The following SNX30 variants were observed in gnomAD, a reference collection of about 807,000 sequenced individuals.
The protein encoded by SNX30 is sorting nexin family member 30.
In SNX30, 24 loss-of-function variants were observed where a neutral mutation model predicts 46.4. The ratio of observed to expected loss-of-function variants is 0.52; its 90% CI spans 0.37 to 0.73. SNX30 has a LOEUF of 0.73. SNX30 is among the 30% of genes least tolerant of loss of function. The pLI, the probability that SNX30 is intolerant of heterozygous loss-of-function variation, is 0.00. For missense variants in SNX30, 533 were observed against 555.7 expected (o/e 0.96, Z 0.41); for synonymous variants, 189 against 211.5 (o/e 0.89, Z 0.92).
At chr9:112,809,143 G>C (rs1840277310) in intron 2 of SNX30, among the ~76,000 whole-genome samples, 1 of 151,626 alleles carries the variant, frequency 6.6e-6, no homozygotes, top group South Asian at 2.1e-4. Flanking sequence ...CTGGAGTGCA[G>C]TGGTATGACC....
At chr9:112,836,033 GTC>G (rs1840745451) in intron 4 of SNX30, among the ~76,000 whole-genome samples, 179 bp from the exon 5 acceptor site, 1 of 152,226 alleles carries the variant, frequency 6.6e-6, no homozygotes, top group Non-Finnish European at 1.5e-5. Flanking sequence ...AGGAGCCTGA[GTC>G]TGGTGGTTAT....
intron 1 of SNX30, among the ~76,000 whole-genome samples, chr9:112,767,542 A>G (rs555397152): frequency 6.6e-6 from 1 of 151,562 alleles, no homozygotes; most frequent in East Asian, 1.9e-4. Flanking sequence ...TAGGAGTTTT[A>G]TGGTTTTGGG....
intron 3 of SNX30, among the ~76,000 whole-genome samples, chr9:112,825,524 C>T: frequency 6.6e-6 from 1 of 152,066 alleles, no homozygotes; most frequent in Non-Finnish European, 1.5e-5. Flanking sequence ...GAGCTCCTAG[C>T]CTCAAGCAAT....
intron 1 of SNX30, among the ~76,000 whole-genome samples, chr9:112,770,400 C>T (rs947270871): frequency 7.3e-5 from 11 of 151,718 alleles, no homozygotes; most frequent in Non-Finnish European, 1.3e-4. Flanking sequence ...CTCGAACTCC[C>T]GACCTTGTGA....
chr9:112,750,685 C>T (rs2131338550), upstream of SNX30, among the ~76,000 whole-genome samples: 1 of 151,324 alleles, frequency 6.6e-6, no homozygotes, highest in South Asian at 2.1e-4. Context: ...CCTCCCCGCC[C>T]CCTCCCGGGC....
chr9:112,817,616 GT>G, intron 2 of SNX30, 88 bp from the exon 3 acceptor site: 1 of 750,762 alleles, frequency 1.3e-6, no homozygotes, highest in Non-Finnish European at 2.3e-6. Context: ...ATCTTGCCTA[GT>G]TTGGTTATTC....
At position 112,870,131 on chromosome 9, in the gene SNX30, T is replaced by C. The variant is rs1257418390; in HGVS notation, c.*1288T>C. ...ACAATGACCAGGTTTACTTTTCAGA[T>C]CACAAAGCAAACAGTCACCAAGGAT... On this transcript the variant is annotated 3_prime_UTR_variant, in exon 9 of 9. Coordinates refer to ENST00000374232, the MANE Select transcript of SNX30 (RefSeq NM_001012994.2). 1.3e-5 allele frequency: 2 copies of C among 152,088 alleles called. No homozygotes were observed. Among genetic ancestry groups the C allele is most frequent in the East Asian group, 3.8e-4 (2 of 5,200 alleles). 9.4% of individuals were successfully genotyped at this position (152,088 alleles called of 1,614,324 possible).
At chr9:112,858,960 T>C (rs2131496968) in intron 7 of SNX30, among the ~76,000 whole-genome samples, 1 of 152,342 alleles carries the variant, frequency 6.6e-6, no homozygotes, top group Admixed American at 6.5e-5. Flanking sequence ...ATATAAAATT[T>C]GCCATCTTAA....
At chr9:112,860,185 A>G (rs1480872775) in intron 7 of SNX30, among the ~76,000 whole-genome samples, 1 of 152,088 alleles carries the variant, frequency 6.6e-6, no homozygotes, top group Admixed American at 6.5e-5. Flanking sequence ...TGACCTTGTG[A>G]TCTGCCCGCC....
rs182615333 is a variant in SNX30, at chr9:112,836,203, A to G, written c.619-11A>G. ...GTGAGTGCTTTGAGCTTATTCACAT[A>G]TCATCCTCAGGACCTGAACGCCTAC... On this transcript the variant is annotated splice_polypyrimidine_tract_variant and intron_variant, in intron 4 of 8. Transcript: ENST00000374232. The G allele has an allele frequency of 2.9e-4, 454 of 1,583,258 alleles. 2 individuals are homozygous for G. The African/African-American group carries it at 5.4e-3, about 19-fold the overall frequency.
intron 2 of SNX30, among the ~76,000 whole-genome samples, chr9:112,806,245 C>T (rs1840222696): frequency 6.6e-6 from 1 of 152,244 alleles, no homozygotes; most frequent in African/African-American, 2.4e-5. Context: ...ATTGCCACCC[C>T]ACCCCCGACC....
intron 4 of SNX30, 146 bp downstream of exon 4, chr9:112,831,029 C>T (rs1196926907): frequency 2.5e-6 from 2 of 800,242 alleles, no homozygotes; most frequent in Non-Finnish European, 3.7e-6. Flanking sequence ...TCCCAGCTAC[C>T]TGGGAGGCTA....
intron 1 of SNX30, among the ~76,000 whole-genome samples, chr9:112,781,867 C>T (rs1839851987): frequency 6.6e-6 from 1 of 151,146 alleles, no homozygotes; most frequent in African/African-American, 2.4e-5. Flanking sequence ...GTCTTAAACT[C>T]CTGAAATCAG....
At chr9:112,753,821 C>T (rs949302724) in intron 1 of SNX30, among the ~76,000 whole-genome samples, 1 of 152,214 alleles carries the variant, frequency 6.6e-6, no homozygotes, top group African/African-American at 2.4e-5. Flanking sequence ...CTAGGAGTAA[C>T]ATTTTCCTTG....
intron 2 of SNX30, among the ~76,000 whole-genome samples, chr9:112,810,021 A>T (rs1201729213): frequency 6.6e-6 from 1 of 152,164 alleles, no homozygotes; most frequent in African/African-American, 2.4e-5. Context: ...ATTGCCACCG[A>T]AGGGGCGGTG....
At chr9:112,779,694 C>T (rs949145578) in intron 1 of SNX30, among the ~76,000 whole-genome samples, 1 of 152,062 alleles carries the variant, frequency 6.6e-6, no homozygotes, top group African/African-American at 2.4e-5. Flanking sequence ...GACTCTGTCT[C>T]AAAAAACAAA....
chr9:112,864,098 C>T, intron 7 of SNX30, 149 bp from the exon 8 acceptor site: 2 of 831,056 alleles, frequency 2.4e-6, no homozygotes, highest in East Asian at 2.7e-5. Context: ...CAAGGTTTTG[C>T]TTTCAAATAA....
intron 8 of SNX30, chr9:112,866,392 C>T (rs916257652): frequency 8.5e-5 from 40 of 467,850 alleles, no homozygotes; most frequent in South Asian, 5.5e-4. Flanking sequence ...AGACAACATA[C>T]GCAAAGTCCC....
At chr9:112,826,116 G>GC (rs1167464323) in intron 3 of SNX30, among the ~76,000 whole-genome samples, 7 of 152,168 alleles carry the variant, frequency 4.6e-5, no homozygotes, top group Non-Finnish European at 7.3e-5. Context: ...TGCGCCTCAG[G>GC]CCATCCTCTC....
Sources: allele counts gnomAD v4.1 joint callset (sites outside exome capture counted in the v4.1 genomes callset), GRCh38; gene constraint gnomAD v4.1.1; transcripts MANE v1.5; gene names NCBI Gene and HGNC (gene_info 2026-07-23, HGNC 2026-07-21).